The following GPATCH2 variants were observed in gnomAD, a reference collection of about 807,000 sequenced individuals.
GPATCH2 encodes G-patch domain containing 2.
GPATCH2 carries 51 observed loss-of-function variants against 58.0 expected under a neutral mutation model. The ratio of observed to expected loss-of-function variants is 0.88; its 90% CI spans 0.70 to 1.11. GPATCH2 has a LOEUF of 1.11. GPATCH2 is among the 50% of genes most tolerant of loss of function. The pLI, the probability that GPATCH2 is intolerant of heterozygous loss-of-function variation, is 0.00. For missense variants in GPATCH2, 625 were observed against 652.2 expected (o/e 0.96, Z 0.45); for synonymous variants, 222 against 218.5 (o/e 1.02, Z -0.14).
chr1:217,630,432 T>G (rs1326908286), intron 1 of GPATCH2, among the ~76,000 whole-genome samples: 4 of 151,980 alleles, frequency 2.6e-5, no homozygotes, highest in Admixed American at 6.5e-5. Context: ...TTCAAGAGGG[T>G]GGAAACAGGT....
chr1:217,511,618 T>A (rs989435727), intron 6 of GPATCH2, among the ~76,000 whole-genome samples: 8 of 152,144 alleles, frequency 5.3e-5, no homozygotes, highest in African/African-American at 1.4e-4. Context: ...GGGAAGCATA[T>A]AACTAAAACT....
At chr1:217,515,743 T>G (rs916484126) in intron 5 of GPATCH2, among the ~76,000 whole-genome samples, 3 of 149,896 alleles carry the variant, frequency 2.0e-5, no homozygotes, top group African/African-American at 7.4e-5. Flanking sequence ...AAAAAAGGAC[T>G]CTTTATAATA....
At chr1:217,456,405 G>A (rs186462294) in intron 8 of GPATCH2, among the ~76,000 whole-genome samples, 8 of 152,260 alleles carry the variant, frequency 5.3e-5, no homozygotes, top group Non-Finnish European at 8.8e-5. Context: ...CACCTCCTGC[G>A]AGGGGTGACA....
intron 5 of GPATCH2, among the ~76,000 whole-genome samples, chr1:217,594,150 A>C (rs1256787989): frequency 6.6e-6 from 1 of 152,124 alleles, no homozygotes; most frequent in African/African-American, 2.4e-5. Flanking sequence ...AATATATCAT[A>C]TGTGATGCAT....
chr1:217,623,480 A>G (rs1204083923), intron 1 of GPATCH2, among the ~76,000 whole-genome samples: 1 of 151,824 alleles, frequency 6.6e-6, no homozygotes, highest in East Asian at 1.9e-4. Context: ...CTAAGAATGA[A>G]ATTTCTTAGT....
intron 8 of GPATCH2, among the ~76,000 whole-genome samples, chr1:217,473,542 A>C (rs1660832353): frequency 6.6e-6 from 1 of 152,172 alleles, no homozygotes; most frequent in Non-Finnish European, 1.5e-5. Context: ...TGGCACGAAC[A>C]AACCCTGAGA....
intron 1 of GPATCH2, among the ~76,000 whole-genome samples, chr1:217,623,465 T>C (rs1289287762): frequency 1.3e-5 from 2 of 152,024 alleles, no homozygotes; most frequent in Non-Finnish European, 2.9e-5. Context: ...TAACTGCTAA[T>C]ATTACTAAGA....
chr1:217,505,212 A>G (rs1662492241), intron 6 of GPATCH2, among the ~76,000 whole-genome samples: 1 of 152,214 alleles, frequency 6.6e-6, no homozygotes, highest in African/African-American at 2.4e-5. Flanking sequence ...GACGCAGTTT[A>G]GAGAGGTCTA....
intron 6 of GPATCH2, among the ~76,000 whole-genome samples, chr1:217,498,958 G>T (rs368259242): frequency 4.6e-5 from 7 of 152,170 alleles, no homozygotes; most frequent in African/African-American, 1.4e-4. Context: ...TAAAAATATA[G>T]AAGTCACTGC....
intron 5 of GPATCH2, chr1:217,609,876 T>A: frequency 9.5e-7 from 1 of 1,051,298 alleles, no homozygotes; most frequent in South Asian, 4.5e-5. Context: ...CATAAATGGA[T>A]TCAATGTAAA....
chr1:217,623,947 A>G (rs1669325927), intron 1 of GPATCH2, among the ~76,000 whole-genome samples: 1 of 152,040 alleles, frequency 6.6e-6, no homozygotes, highest in African/African-American at 2.4e-5. Flanking sequence ...ATATTTTAAA[A>G]AACACTGTAA....
In GPATCH2 at chr1:217,620,468, G is replaced by A; in HGVS notation, c.88C>T (p.His30Tyr). 6.2e-7 allele frequency: 1 copy of A among 1,612,464 alleles called. No individual in the cohort carries two copies. Among genetic ancestry groups the A allele is most frequent in the Non-Finnish European group, 8.5e-7 (1 of 1,179,114 alleles). ...TCTTCCAATGCTGAGACAAGGTCAT[G>A]AACCAGCTCCTCCATGGTTCTACTG... ...HFSRTMEELV[H>Y]DLVSALEESS... Residue 30 changes from histidine (H) to tyrosine (Y), a missense_variant, in exon 2 of 10, where the codon CAT becomes TAT. Physicochemically the swap from His to Tyr is moderately conservative, Grantham distance 83 (BLOSUM62 2). Transcript: ENST00000366935.
chr1:217,499,776 C>T (rs1268110315), intron 6 of GPATCH2, among the ~76,000 whole-genome samples: 1 of 150,524 alleles, frequency 6.6e-6, no homozygotes, highest in Admixed American at 6.6e-5. Context: ...TTCTTAAACG[C>T]ATTCGCACAG....
At chr1:217,511,563 A>C (rs1444676787) in intron 6 of GPATCH2, among the ~76,000 whole-genome samples, 1 of 152,202 alleles carries the variant, frequency 6.6e-6, no homozygotes, top group Non-Finnish European at 1.5e-5. Context: ...GAATGAAAGA[A>C]GGGTAACAGG....
intron 2 of GPATCH2, among the ~76,000 whole-genome samples, chr1:217,615,569 C>T (rs917058396): frequency 2.0e-5 from 3 of 151,980 alleles, no homozygotes; most frequent in African/African-American, 7.3e-5. Flanking sequence ...CTGTGTGCCC[C>T]CCATTAACAC....
In GPATCH2 at chr1:217,619,954, T is replaced by C. The variant is rs903810826; in HGVS notation, c.602A>G (p.Tyr201Cys). ...QDMDSDRAYQ[Y>C]QEFTKNKVKK... ...GACTTTGTTCTTGGTAAATTCTTGA[T>C]ACTGGTAGGCTCTATCACTGTCCAT... is the stretch of plus-strand genomic sequence containing the variant. The change falls in exon 2 of 10, where the codon TAT (tyrosine) becomes TGT (cysteine). Residue 201 changes from tyrosine (Y) to cysteine (C), a missense_variant. Tyr to Cys is a radical substitution (Grantham distance 194, BLOSUM62 -2). Transcript: ENST00000366935. The C allele has an allele frequency of 1.2e-6, 2 of 1,614,082 alleles. No individual in the cohort carries two copies. Among genetic ancestry groups the C allele is most frequent in the Admixed American group, 1.7e-5 (1 of 60,018 alleles).
intron 2 of GPATCH2, among the ~76,000 whole-genome samples, chr1:217,614,978 TATA>T (rs1452951578): frequency 6.6e-6 from 1 of 151,998 alleles, no homozygotes; most frequent in Non-Finnish European, 1.5e-5. Flanking sequence ...AGTCATATAA[TATA>T]ATGAGAGGCT....
chr1:217,564,011 T>C (rs1571925352), intron 5 of GPATCH2, among the ~76,000 whole-genome samples: 1 of 115,706 alleles, frequency 8.6e-6, no homozygotes, highest in East Asian at 2.7e-4. Context: ...GGCATTGCAC[T>C]CCAGCCTGCG....
chr1:217,486,569 G>A (rs1223305620), intron 8 of GPATCH2, among the ~76,000 whole-genome samples: 1 of 152,192 alleles, frequency 6.6e-6, no homozygotes, highest in Non-Finnish European at 1.5e-5. Flanking sequence ...CTGGGCTCAA[G>A]TGATCCTCCC....
Sources: allele counts gnomAD v4.1 joint callset (sites outside exome capture counted in the v4.1 genomes callset), GRCh38; gene constraint gnomAD v4.1.1; transcripts MANE v1.5; gene names NCBI Gene and HGNC (gene_info 2026-07-23, HGNC 2026-07-21).